SPATA6: variants seen among roughly 807,000 people sequenced by gnomAD.
SPATA6 encodes the protein spermatogenesis-associated protein 6.
In SPATA6, 56 loss-of-function variants were observed where a neutral mutation model predicts 65.3. The observed-to-expected ratio is 0.86, with a 90% confidence interval of 0.69 to 1.07. SPATA6 has a LOEUF of 1.07. SPATA6 is among the 50% of genes least tolerant of loss of function. SPATA6 has a pLI of 0.00. For synonymous variants in SPATA6, 199 were observed against 213.2 expected, an observed-to-expected ratio of 0.93 and a Z score of 0.58; for missense variants, 590 against 594.8, an observed-to-expected ratio of 0.99 and a Z score of 0.08.
At chr1:48,460,385 T>C (rs1657336608) in intron 1 of SPATA6, among the ~76,000 whole-genome samples, 1 of 152,198 alleles carries the variant, frequency 6.6e-6, no homozygotes, top group Non-Finnish European at 1.5e-5. Context: ...ATAAATGTTC[T>C]CAGCAAACTC....
intron 9 of SPATA6, among the ~76,000 whole-genome samples, chr1:48,365,738 A>C (rs1646983856): frequency 6.6e-6 from 1 of 152,166 alleles, no homozygotes; most frequent in East Asian, 1.9e-4. Context: ...GTCATCTGCA[A>C]ACAGGGACAA....
chr1:48,421,354 GA>G (rs1052465900), intron 3 of SPATA6, among the ~76,000 whole-genome samples: 12 of 148,134 alleles, frequency 8.1e-5, no homozygotes, highest in Admixed American at 2.0e-4. Context: ...AATAAAACTT[GA>G]AAAAAAAAGA....
downstream of SPATA6, among the ~76,000 whole-genome samples, chr1:48,295,161 C>A (rs1644793718): frequency 2.6e-5 from 4 of 152,090 alleles, no homozygotes; most frequent in Non-Finnish European, 5.9e-5. Flanking sequence ...ATGGCACGTT[C>A]ACTTTGAAAA....
the SPATA6 span, among the ~76,000 whole-genome samples, chr1:48,281,792 T>C: frequency 6.6e-6 from 1 of 152,110 alleles, no homozygotes; most frequent in Non-Finnish European, 1.5e-5. Context: ...GCCATCCCCA[T>C]CAAGCTACCA....
chr1:48,272,911 T>C, the SPATA6 span, among the ~76,000 whole-genome samples: 1 of 152,196 alleles, frequency 6.6e-6, no homozygotes, highest in African/African-American at 2.4e-5. Context: ...CGTATTCCTG[T>C]TGGCCTTTTG....
intron 9 of SPATA6, among the ~76,000 whole-genome samples, chr1:48,371,009 G>A (rs1647231150): frequency 6.6e-6 from 1 of 152,114 alleles, no homozygotes; most frequent in Admixed American, 6.5e-5. Context: ...AATCATTCAA[G>A]GACAGTACAA....
chr1:48,311,874 A>G (rs189883050), intron 11 of SPATA6, among the ~76,000 whole-genome samples: 1 of 152,154 alleles, frequency 6.6e-6, no homozygotes, highest in African/African-American at 2.4e-5. Flanking sequence ...CCACCCTAAT[A>G]CTGTGCTTTT....
At chr1:48,344,096 A>T (rs893348762) in intron 11 of SPATA6, 1 of 152,120 alleles carries the variant, frequency 6.6e-6, no homozygotes, top group African/African-American at 2.4e-5. Flanking sequence ...CACACTGTAT[A>T]AAAAAGTCAA....
chr1:48,410,924 T>C (rs1036949089), intron 5 of SPATA6, among the ~76,000 whole-genome samples: 1 of 152,208 alleles, frequency 6.6e-6, no homozygotes, highest in Non-Finnish European at 1.5e-5. Flanking sequence ...TATAGCAGCA[T>C]ATGAAAGATT....
At chr1:48,380,637 G>C (rs552393699) in intron 9 of SPATA6, among the ~76,000 whole-genome samples, 2 of 152,180 alleles carry the variant, frequency 1.3e-5, no homozygotes, top group East Asian at 3.9e-4. Flanking sequence ...CATATGTTAG[G>C]AATTCCTACT....
chr1:48,450,029 AT>A (rs1412057027), intron 3 of SPATA6, among the ~76,000 whole-genome samples: 8 of 149,448 alleles, frequency 5.4e-5, no homozygotes, highest in South Asian at 2.1e-4. Context: ...AAACTCGCTC[AT>A]TTTTTTTTTA....
At chr1:48,344,473 T>G (rs1050792741) in intron 11 of SPATA6, among the ~76,000 whole-genome samples, 3 of 152,170 alleles carry the variant, frequency 2.0e-5, no homozygotes, top group Admixed American at 2.0e-4. Flanking sequence ...AGGAACCACA[T>G]AGTCTGCGAG....
intron 11 of SPATA6, among the ~76,000 whole-genome samples, chr1:48,348,915 T>C (rs776709787): frequency 1.3e-5 from 2 of 152,040 alleles, no homozygotes; most frequent in Non-Finnish European, 2.9e-5. Flanking sequence ...ACTGTCTTTA[T>C]CTACAGTTTA....
chr1:48,278,812 G>T, the SPATA6 span, among the ~76,000 whole-genome samples: 7 of 152,140 alleles, frequency 4.6e-5, no homozygotes, highest in South Asian at 1.5e-3. Flanking sequence ...CCAACATTCA[G>T]ATTCAGGAAA....
chr1:48,394,597 T>C (rs1650400953), intron 8 of SPATA6, among the ~76,000 whole-genome samples: 1 of 151,966 alleles, frequency 6.6e-6, no homozygotes, highest in Non-Finnish European at 1.5e-5. Context: ...AAATAAGAGA[T>C]TACACACAAC....
chr1:48,326,747 A>T (rs1011720438), intron 11 of SPATA6, among the ~76,000 whole-genome samples: 13 of 152,140 alleles, frequency 8.5e-5, no homozygotes, highest in Non-Finnish European at 1.5e-4. Context: ...AAAACAAACA[A>T]TGGGGAAAGG....
rs1313535815 is a variant in SPATA6 at position 48,403,843 on chromosome 1, T to C, written c.445A>G (p.Ile149Val). 1.2e-6 allele frequency: 2 copies of C among 1,610,770 alleles called. No individual in the cohort carries two copies. The highest frequency in any genetic ancestry group is 1.3e-5 in the African/African-American group (1 of 74,880). ...CTTGAACTTATCAGACATTCAGTAA[T>C]CACTGAAGTCGTAGAAAATTCCAGC... ...PRLEFSTTSVITECLISSRKC... is the reference protein window; with the variant it reads ...PRLEFSTTSVVTECLISSRKC... Residue 149 changes from isoleucine (I) to valine (V), a missense_variant, in exon 6 of 13, where the codon ATT becomes GTT. Transcript: ENST00000371847.
At chr1:48,423,146 A>G (rs1333351443) in intron 3 of SPATA6, among the ~76,000 whole-genome samples, 1 of 152,202 alleles carries the variant, frequency 6.6e-6, no homozygotes, top group Admixed American at 6.5e-5. Flanking sequence ...AATAAAATTA[A>G]TCAATGCTGA....
At chr1:48,335,804 G>A (rs950431501) in intron 11 of SPATA6, among the ~76,000 whole-genome samples, 6 of 152,018 alleles carry the variant, frequency 3.9e-5, no homozygotes, top group African/African-American at 1.4e-4. Flanking sequence ...AAATGAAAGA[G>A]GTTTTGCACA....
Sources: allele counts gnomAD v4.1 joint callset (sites outside exome capture counted in the v4.1 genomes callset), GRCh38; gene constraint gnomAD v4.1.1; transcripts MANE v1.5; gene names NCBI Gene and HGNC (gene_info 2026-07-23, HGNC 2026-07-21).